Variants in BTG4 observed in about 807,000 individuals in gnomAD.
BTG4 encodes protein BTG4.
A neutral mutation model predicts 19.3 loss-of-function variants in BTG4; 10 were observed. The ratio of observed to expected loss-of-function variants is 0.52; its 90% confidence interval spans 0.32 to 0.88. The LOEUF (loss-of-function observed/expected upper bound fraction) is 0.88. Ranked by LOEUF, BTG4 falls within the 40% of genes least tolerant of loss-of-function variation. The pLI is 0.04. For missense variants in BTG4, 238 were observed against 281.9 expected (o/e 0.84, Z 1.11); for synonymous variants, 91 against 95.7 (o/e 0.95, Z 0.29).
At position 111,497,366 on chromosome 11, in the gene BTG4, C is replaced by T; in HGVS notation, c.355G>A (p.Gly119Ser). The T allele has an allele frequency of 7.1e-7, 1 of 1,412,802 alleles. No homozygotes were observed. Among genetic ancestry groups the T allele is most frequent in the Non-Finnish European group, 9.3e-7 (1 of 1,078,812 alleles). 87.5% of individuals were successfully genotyped at this position (1,412,802 alleles called of 1,614,324 possible). A position where few individuals can be genotyped will look rare whatever the true frequency, so the allele number is the denominator to read the frequency against. Residue 119 changes from glycine (G) to serine (S), a missense_variant, in exon 4 of 5, where the codon GGC becomes AGC. Coordinates refer to ENST00000692032, the MANE Select transcript of BTG4 (RefSeq NM_001367975.1). The stretch of plus-strand genomic sequence containing the variant: ...TATAGTTCCCATTCCTCCCATCTGC[C>T]TTTAAAAGAAGCAACTGTAAATGGA... ...NHPFTVASFK[G>S]RWEEWELYQQ... is the part of the protein sequence containing the mutation.
At chr11:111,438,609 C>T in the BTG4 span, among the ~76,000 whole-genome samples, 2 of 152,292 alleles carry the variant, frequency 1.3e-5, no homozygotes, top group African/African-American at 4.8e-5. Flanking sequence ...TCCATTCTCA[C>T]CCACCACCGC....
At chr11:111,505,843 A>AC (rs1187602384) in intron 1 of BTG4, among the ~76,000 whole-genome samples, 53 of 152,178 alleles carry the variant, frequency 3.5e-4, no homozygotes, top group African/African-American at 1.3e-3. Flanking sequence ...CAGAAGAAGA[A>AC]ATACAAACAG....
chr11:111,419,203 A>C, the BTG4 span, among the ~76,000 whole-genome samples: 1,853 of 152,302 alleles, frequency 0.012, 30 homozygotes, highest in African/African-American at 0.043. Flanking sequence ...CTTGGAGGAG[A>C]AGAAGGAGGC....
chr11:111,511,687 T>G (rs560009270), intron 1 of BTG4, among the ~76,000 whole-genome samples: 18 of 152,172 alleles, frequency 1.2e-4, no homozygotes, highest in Non-Finnish European at 2.2e-4. Context: ...AGCAGAGATC[T>G]CCCAGAAGTC....
Position 111,512,191 on chromosome 11 carries a change from G to C in BTG4, c.-37C>G, listed in dbSNP as rs1358461307. The C allele has an allele frequency of 6.6e-6, 1 of 152,194 alleles. No individual in the cohort carries two copies. The highest frequency in any genetic ancestry group is 1.9e-4 in the East Asian group (1 of 5,200). The allele number at this position is 152,194 out of a possible 1,614,324, so 9.4% of individuals were successfully genotyped here. A position where few individuals can be genotyped will look rare whatever the true frequency, so the allele number is the denominator to read the frequency against. ...TATAATTTGAGGTACCTGGGAAGCC[G>C]CTTTCCCAGGGCGGAATGGTCACGG... On this transcript the variant is annotated 5_prime_UTR_variant, in exon 1 of 5. Coordinates refer to ENST00000692032, the MANE Select transcript of BTG4 (RefSeq NM_001367975.1).
At chr11:111,460,721 C>T in the BTG4 span, among the ~76,000 whole-genome samples, 1 of 152,202 alleles carries the variant, frequency 6.6e-6, no homozygotes, top group Non-Finnish European at 1.5e-5. Flanking sequence ...CCACGGGGAG[C>T]TGCTGAAGGG....
At chr11:111,408,702 G>A in the BTG4 span, among the ~76,000 whole-genome samples, 1 of 152,216 alleles carries the variant, frequency 6.6e-6, no homozygotes, top group Non-Finnish European at 1.5e-5. Flanking sequence ...ATGAGAGATG[G>A]CAACATAAGC....
chr11:111,421,776 G>A, the BTG4 span, among the ~76,000 whole-genome samples: 1 of 152,180 alleles, frequency 6.6e-6, no homozygotes, highest in Non-Finnish European at 1.5e-5. Context: ...AGCCAGGCAT[G>A]GTGACAGGGG....
At chr11:111,424,934 T>C in the BTG4 span, among the ~76,000 whole-genome samples, 1 of 151,898 alleles carries the variant, frequency 6.6e-6, no homozygotes, top group Admixed American at 6.6e-5. Context: ...TTTAAAAGAT[T>C]AATAAAAACA....
downstream of BTG4, among the ~76,000 whole-genome samples, chr11:111,466,114 ATAG>A (rs1172589996): frequency 1.3e-5 from 2 of 152,144 alleles, no homozygotes; most frequent in Non-Finnish European, 2.9e-5. Context: ...GTTCTAGAAG[ATAG>A]TAGAAGGTTA....
the BTG4 span, chr11:111,418,300 T>G: frequency 1.3e-5 from 2 of 152,184 alleles, no homozygotes; most frequent in Non-Finnish European, 2.9e-5. Context: ...GAGCACTTAT[T>G]ATGTGCAAAG....
chr11:111,417,920 G>C, the BTG4 span: 1 of 152,170 alleles, frequency 6.6e-6, no homozygotes, highest in Non-Finnish European at 1.5e-5. Context: ...TGGGAACTTA[G>C]GGGATTTCCT....
chr11:111,389,991 T>A, the BTG4 span, among the ~76,000 whole-genome samples: 1 of 152,226 alleles, frequency 6.6e-6, no homozygotes. Context: ...CACATATTAG[T>A]TCATTTAATC....
chr11:111,458,694 T>C, the BTG4 span, among the ~76,000 whole-genome samples: 1 of 151,832 alleles, frequency 6.6e-6, no homozygotes, highest in Non-Finnish European at 1.5e-5. Context: ...ATCCCAAAAC[T>C]CCACCTCCCA....
chr11:111,404,568 C>T, the BTG4 span: 1 of 456,064 alleles, frequency 2.2e-6, no homozygotes, highest in Non-Finnish European at 4.4e-6. Flanking sequence ...CTGCTCTCCT[C>T]ACTTTTTCAG....
intron 5 of BTG4, among the ~76,000 whole-genome samples, chr11:111,486,748 AATAATGTG>A (rs1299594768): frequency 6.6e-6 from 1 of 152,180 alleles, no homozygotes; most frequent in Admixed American, 6.5e-5. Context: ...ATATGCAAAA[AATAATGTG>A]ATATATCACA....
chr11:111,427,177 A>G, the BTG4 span, among the ~76,000 whole-genome samples: 1 of 152,236 alleles, frequency 6.6e-6, no homozygotes, highest in Non-Finnish European at 1.5e-5. Flanking sequence ...AATTGAAATC[A>G]TTAAGAAAGG....
the BTG4 span, among the ~76,000 whole-genome samples, chr11:111,419,769 G>A: frequency 6.6e-6 from 1 of 152,244 alleles, no homozygotes; most frequent in Admixed American, 6.5e-5. Context: ...CTGGCAGCGG[G>A]ATGGCTTCAC....
intron 5 of BTG4, among the ~76,000 whole-genome samples, chr11:111,470,294 G>A (rs987302371): frequency 5.3e-5 from 8 of 152,106 alleles, no homozygotes; most frequent in Non-Finnish European, 8.8e-5. Context: ...AGGTTGCCCA[G>A]GCTGGTCTTG....
Sources: allele counts gnomAD v4.1 joint callset (sites outside exome capture counted in the v4.1 genomes callset), GRCh38; gene constraint gnomAD v4.1.1; transcripts MANE v1.5; gene names NCBI Gene and HGNC (gene_info 2026-07-23, HGNC 2026-07-21).